Variants in ADGRG4 observed in about 807,000 individuals in gnomAD.
ADGRG4 encodes G protein-coupled receptor 112.
Under a neutral mutation model 126.2 loss-of-function variants are expected in ADGRG4, and 122 were observed. The ratio of observed to expected loss-of-function variants is 0.97; its 90% CI spans 0.83 to 1.12. The LOEUF (loss-of-function observed/expected upper bound fraction) is 1.12, where lower values mean the gene tolerates loss of function less well. ADGRG4 is among the 50% of genes most tolerant of loss of function. ADGRG4 has a pLI of 0.00. For synonymous variants in ADGRG4, 943 were observed against 838.7 expected, an observed-to-expected ratio of 1.12 and a Z score of -2.15; for missense variants, 2,481 against 2,251.8, an observed-to-expected ratio of 1.10 and a Z score of -2.06.
chrX:136,396,383 A>ATATG (rs1183524475), intron 19 of ADGRG4, among the ~76,000 whole-genome samples: 3 of 103,190 alleles, frequency 2.9e-5, no homozygotes, highest in Non-Finnish European at 5.9e-5. Flanking sequence ...ATATATATAT[A>ATATG]TATGTATGTA....
Position 136,348,707 on chromosome X carries a change from A to G in ADGRG4, c.5001A>G (p.Ile1667Met), listed in dbSNP as rs1411800348. The change falls in exon 6 of 26, where the codon ATA becomes ATG. Residue 1667 changes from isoleucine (I) to methionine (M), a missense_variant. Coordinates refer to ENST00000394143, the MANE Select transcript of ADGRG4 (RefSeq NM_153834.4). The stretch of plus-strand genomic sequence containing the variant: ...TTCCCACCACCATTATGGCTGGGAT[A>G]GTGACTCCATTTGTAGGCACCACTG... ...KTVPTTIMAGIVTPFVGTTAF... is the reference protein window; with the variant it reads ...KTVPTTIMAGMVTPFVGTTAF... 4 of 1,207,435 alleles carry G rather than the reference A, an allele frequency of 3.3e-6. No individual in the cohort carries two copies. Among genetic ancestry groups the G allele is most frequent in the Non-Finnish European group, 4.5e-6 (4 of 894,289 alleles).
Position 136,416,573 on chromosome X carries a change from G to C in ADGRG4, c.*82G>C. On this transcript the variant is annotated 3_prime_UTR_variant, in exon 26 of 26. Coordinates refer to ENST00000394143, the MANE Select transcript of ADGRG4 (RefSeq NM_153834.4). ...TGAATTCCAAGTGTATACTTGCTCG[G>C]GTGATGGGTGCACCAAAATCTCACA... 1.4e-6 allele frequency: 1 copy of C among 731,899 alleles called. No homozygotes were observed. The highest frequency in any genetic ancestry group is 2.1e-5 in the African/African-American group (1 of 47,148). 60.3% of individuals were successfully genotyped at this position (731,899 alleles called of 1,213,427 possible). A position where few individuals can be genotyped will look rare whatever the true frequency, so the allele number is the denominator to read the frequency against.
At chrX:136,370,460 G>A (rs1275685864) in intron 13 of ADGRG4, among the ~76,000 whole-genome samples, 1 of 112,086 alleles carries the variant, frequency 8.9e-6, no homozygotes, top group Non-Finnish European at 1.9e-5. Context: ...TTTAGAAGAA[G>A]CATTTATGAG....
intron 25 of ADGRG4, among the ~76,000 whole-genome samples, chrX:136,415,972 T>A (rs1040584423): frequency 3.6e-5 from 4 of 111,943 alleles, no homozygotes; most frequent in Non-Finnish European, 7.5e-5. Context: ...AAAACTGAAA[T>A]CTGGGTCCTT....
chrX:136,324,729 A>G (rs764181960), intron 5 of ADGRG4, among the ~76,000 whole-genome samples: 7 of 111,956 alleles, frequency 6.3e-5, no homozygotes, highest in Admixed American at 9.5e-5. Context: ...TCCTTTTGAC[A>G]AGTTCCCCAT....
intron 11 of ADGRG4, 116 bp downstream of exon 11, chrX:136,359,571 G>A (rs902733862): frequency 9.9e-6 from 5 of 507,335 alleles, no homozygotes; most frequent in Non-Finnish European, 1.5e-5. Flanking sequence ...TCATCTTTCT[G>A]TTTTTTTTTT....
chrX:136,408,075 C>A (rs1308410565), intron 23 of ADGRG4, among the ~76,000 whole-genome samples: 3 of 111,753 alleles, frequency 2.7e-5, no homozygotes, highest in Non-Finnish European at 5.6e-5. Context: ...GGAAAGCTGG[C>A]AAAAGATCAA....
At chrX:136,338,619 T>C (rs1343175423) in intron 5 of ADGRG4, among the ~76,000 whole-genome samples, 2 of 112,297 alleles carry the variant, frequency 1.8e-5, no homozygotes, top group Non-Finnish European at 3.8e-5. Flanking sequence ...TTCAAGATAA[T>C]TTGTAATTGC....
In ADGRG4 at chrX:136,356,182, A is replaced by T. The variant is rs1484575491; in HGVS notation, c.6927+17A>T. 1 of 1,122,069 alleles carries T rather than the reference A, an allele frequency of 8.9e-7. No homozygotes were observed. The highest frequency in any genetic ancestry group is 1.8e-5 in the African/African-American group (1 of 55,738). 92.5% of individuals were successfully genotyped at this position (1,122,069 alleles called of 1,213,427 possible). On this transcript the variant is annotated intron_variant, in intron 9 of 25. Coordinates refer to ENST00000394143, the MANE Select transcript of ADGRG4 (RefSeq NM_153834.4). ...CGAGCTATTGTAAGTAATTTTTCAA[A>T]ATGAATCTACTTGTGACCTATCCTA...
chrX:136,391,487 T>C (rs2075319169), intron 16 of ADGRG4, among the ~76,000 whole-genome samples: 1 of 112,533 alleles, frequency 8.9e-6, no homozygotes, highest in African/African-American at 3.2e-5. Flanking sequence ...TCCTGCCCTG[T>C]CACCCACTAG....
chrX:136,412,723 G>A (rs774360669), intron 24 of ADGRG4, among the ~76,000 whole-genome samples: 1 of 112,399 alleles, frequency 8.9e-6, no homozygotes, highest in East Asian at 2.8e-4. Context: ...GGGTTGAGTG[G>A]ATGTAGGAAG....
At position 136,339,613 on chromosome X, in the gene ADGRG4, G is replaced by A. The variant is rs903872980; in HGVS notation, c.686-4779G>A. Among the ~76,000 whole-genome samples the A allele has an allele frequency of 5.3e-5, 6 of 112,458 alleles. No homozygotes were observed. In the East Asian group the frequency reaches 1.1e-3, roughly 21 times the overall value. On this transcript the variant is annotated intron_variant, in intron 5 of 25. Transcript: ENST00000394143. ...GATTAGGAAGCATAGGGCCTGGGCCGCATTTTTATGCTGGGTTTGGTGAGG... is the reference window on the plus strand; with the variant it reads ...GATTAGGAAGCATAGGGCCTGGGCCACATTTTTATGCTGGGTTTGGTGAGG...
At chrX:136,334,771 G>A (rs903365222) in intron 5 of ADGRG4, among the ~76,000 whole-genome samples, 1 of 112,043 alleles carries the variant, frequency 8.9e-6, no homozygotes, top group Non-Finnish European at 1.9e-5. Flanking sequence ...CTTTTTGTGT[G>A]TTGATTTTGT....
At chrX:136,361,116 C>G (rs2075125663) in intron 11 of ADGRG4, among the ~76,000 whole-genome samples, 1 of 110,354 alleles carries the variant, frequency 9.1e-6, no homozygotes, top group Admixed American at 9.7e-5. Flanking sequence ...TGAGACCAGC[C>G]TCTATAACAT....
At chrX:136,409,290 C>A (rs1313110053) in intron 23 of ADGRG4, among the ~76,000 whole-genome samples, 1 of 112,057 alleles carries the variant, frequency 8.9e-6, no homozygotes, top group Non-Finnish European at 1.9e-5. Flanking sequence ...GACATCTTCC[C>A]TCATGCCTGT....
At position 136,349,136 on chromosome X, in the gene ADGRG4, T is replaced by C; in HGVS notation, c.5430T>C (p.Tyr1810=). 8.3e-7 allele frequency: 1 copy of C among 1,201,230 alleles called. No individual in the cohort carries two copies. Among genetic ancestry groups the C allele is most frequent in the Non-Finnish European group, 1.1e-6 (1 of 886,312 alleles). The change falls in exon 6 of 26, where the codon TAT becomes TAC. Residue 1810 remains tyrosine (Y), a synonymous_variant. Transcript: ENST00000394143. ...TAGAAAAGACTTCCTTAACAAACTA[T>C]GCCACATCTTTGAATACCCCTGTTT... The part of the protein sequence containing the change: ...SLLEKTSLTN[Y]ATSLNTPVSY...
At chrX:136,358,777 G>A (rs934638312) in intron 10 of ADGRG4, among the ~76,000 whole-genome samples, 2 of 112,036 alleles carry the variant, frequency 1.8e-5, no homozygotes, top group African/African-American at 6.5e-5. Context: ...AGAACATGTG[G>A]AGGAAGGGTT....
At chrX:136,405,553 AT>A in intron 22 of ADGRG4, 138 bp from the exon 23 acceptor site, 1 of 390,327 alleles carries the variant, frequency 2.6e-6, no homozygotes. Flanking sequence ...TCCAGTTGGT[AT>A]GAGTGAACTC....
intron 1 of ADGRG4, among the ~76,000 whole-genome samples, chrX:136,302,173 C>G (rs1038533682): frequency 8.9e-6 from 1 of 111,794 alleles, no homozygotes; most frequent in Non-Finnish European, 1.9e-5. Flanking sequence ...TTACCTTGGG[C>G]AGTATGGCCA....
Sources: allele counts gnomAD v4.1 joint callset (sites outside exome capture counted in the v4.1 genomes callset), GRCh38; gene constraint gnomAD v4.1.1; transcripts MANE v1.5; gene names NCBI Gene and HGNC (gene_info 2026-07-23, HGNC 2026-07-21).